Variants in BNC2 observed in about 807,000 individuals in gnomAD.
BNC2 encodes the protein basonuclin zinc finger protein 2.
Under a neutral mutation model 76.3 loss-of-function variants are expected in BNC2, and 20 were observed. The observed-to-expected ratio is 0.26, with a 90% confidence interval of 0.18 to 0.38. BNC2 has a LOEUF of 0.38. BNC2 is among the 10% of genes least tolerant of loss of function. The probability of loss-of-function intolerance (pLI) is 1.00; values close to 1 mark genes in which losing one functional copy is unlikely to be tolerated. For synonymous variants in BNC2, 582 were observed against 514.8 expected (o/e 1.13, Z -1.77); for missense variants, 1,382 against 1,399.8 (o/e 0.99, Z 0.20).
intron 3 of BNC2, among the ~76,000 whole-genome samples, chr9:16,681,808 C>A (rs776560742): frequency 2.0e-5 from 3 of 152,138 alleles, no homozygotes; most frequent in Non-Finnish European, 4.4e-5. Flanking sequence ...GCATAGACCG[C>A]CTGGTACTTT....
intron 5 of BNC2, among the ~76,000 whole-genome samples, chr9:16,455,053 A>C (rs1425330554): frequency 2.0e-5 from 3 of 152,244 alleles, no homozygotes; most frequent in Non-Finnish European, 4.4e-5. Flanking sequence ...CTAGAGACTA[A>C]GTATGAGAAA....
intron 1 of BNC2, among the ~76,000 whole-genome samples, chr9:16,764,313 G>A (rs1427409869): frequency 2.6e-5 from 4 of 152,108 alleles, no homozygotes; most frequent in Non-Finnish European, 5.9e-5. Flanking sequence ...CAGAGTCTAT[G>A]CACGGCATAC....
intron 3 of BNC2, among the ~76,000 whole-genome samples, chr9:16,607,971 A>G (rs1820430351): frequency 6.6e-6 from 1 of 152,182 alleles, no homozygotes; most frequent in African/African-American, 2.4e-5. Context: ...AGTTCCAGGT[A>G]TCCAAAAACC....
In BNC2 at chr9:16,436,950, G is replaced by T; in HGVS notation, c.1244C>A (p.Thr415Asn). 6.2e-7 allele frequency: 1 copy of T among 1,614,076 alleles called. No individual in the cohort carries two copies. Among genetic ancestry groups the T allele is most frequent in the Non-Finnish European group, 8.5e-7 (1 of 1,180,024 alleles). ...IQNSAPVSDL[T>N]KTEHPKSSFR... is the part of the protein sequence containing the mutation. Reference sequence around the variant, plus strand: ...TGAGCTTTTTGGGTGTTCAGTTTTGGTTAGATCACTGACTGGGGCAGAATT... The same window carrying T: ...TGAGCTTTTTGGGTGTTCAGTTTTGTTTAGATCACTGACTGGGGCAGAATT... The change falls in exon 6 of 7, where the codon ACC (threonine) becomes AAC (asparagine). Residue 415 changes from threonine (T) to asparagine (N), a missense_variant. By Grantham distance (65) the Thr-to-Asn change is moderately conservative. Transcript: ENST00000380672.
At chr9:16,603,523 A>G (rs1306295203) in intron 3 of BNC2, among the ~76,000 whole-genome samples, 1 of 152,194 alleles carries the variant, frequency 6.6e-6, no homozygotes, top group East Asian at 1.9e-4. Flanking sequence ...ATTGAAGAAA[A>G]TAATTTTGAG....
intron 3 of BNC2, among the ~76,000 whole-genome samples, chr9:16,614,649 T>C (rs1001311760): frequency 5.0e-4 from 20 of 39,732 alleles, no homozygotes; most frequent in Non-Finnish European, 1.8e-3. Context: ...GCTACATGCA[T>C]GAAGTTAAAA....
intron 1 of BNC2, among the ~76,000 whole-genome samples, chr9:16,842,710 T>A (rs1818864539): frequency 6.9e-6 from 1 of 145,444 alleles, no homozygotes; most frequent in Non-Finnish European, 1.5e-5. Flanking sequence ...ATTCATTGTA[T>A]TTTTTTTTTC....
intron 3 of BNC2, among the ~76,000 whole-genome samples, chr9:16,723,434 G>A (rs777603076): frequency 1.5e-4 from 22 of 151,520 alleles, no homozygotes; most frequent in Admixed American, 2.6e-4. Context: ...ACAACTAGGC[G>A]TCTGACTTGT....
At chr9:16,686,320 T>G (rs1188491071) in intron 3 of BNC2, among the ~76,000 whole-genome samples, 1 of 152,174 alleles carries the variant, frequency 6.6e-6, no homozygotes, top group Non-Finnish European at 1.5e-5. Context: ...GATCCCTTTT[T>G]AAAACTAAGC....
intron 3 of BNC2, among the ~76,000 whole-genome samples, chr9:16,593,579 C>T (rs1368740295): frequency 6.6e-6 from 1 of 151,766 alleles, no homozygotes; most frequent in African/African-American, 2.4e-5. Flanking sequence ...ATAATACATG[C>T]GATTTTGTTA....
chr9:16,510,143 G>A (rs933299361), intron 5 of BNC2, among the ~76,000 whole-genome samples: 1 of 152,172 alleles, frequency 6.6e-6, no homozygotes, highest in South Asian at 2.1e-4. Context: ...TCAAGGAAGC[G>A]CTAGCCACAC....
intron 5 of BNC2, among the ~76,000 whole-genome samples, chr9:16,495,584 G>T (rs1822371342): frequency 6.6e-6 from 1 of 152,262 alleles, no homozygotes; most frequent in Non-Finnish European, 1.5e-5. Flanking sequence ...AAAGTGGCAA[G>T]TGGTGCTGAA....
At chr9:16,490,116 G>A (rs1490662908) in intron 5 of BNC2, among the ~76,000 whole-genome samples, 3 of 152,146 alleles carry the variant, frequency 2.0e-5, no homozygotes, top group Non-Finnish European at 4.4e-5. Context: ...CATTGTTAGA[G>A]TGAAAGCTCA....
At chr9:16,712,152 C>G (rs10283606) in intron 3 of BNC2, among the ~76,000 whole-genome samples, 1 of 152,144 alleles carries the variant, frequency 6.6e-6, no homozygotes, top group African/African-American at 2.4e-5. Context: ...AGTTTACACA[C>G]GCAAAACACA....
intron 3 of BNC2, among the ~76,000 whole-genome samples, chr9:16,639,604 A>C (rs1210104823): frequency 1.3e-5 from 2 of 151,976 alleles, no homozygotes; most frequent in Admixed American, 6.6e-5. Flanking sequence ...ACAACAACAC[A>C]TGTGAAAACA....
At position 16,531,422 on chromosome 9, in the gene BNC2, CGA is replaced by C. The variant is rs199615230; in HGVS notation, c.669+21106_669+21107del. On this transcript the variant is annotated intron_variant, in intron 5 of 6. Coordinates refer to ENST00000380672, the MANE Select transcript of BNC2 (RefSeq NM_017637.6). ...AGAAAAAAAAAAACAAAAAACCAAGCGAGAGAGGGAGAAGTTTTTCTTTCATT... is the reference window on the plus strand; with the variant it reads ...AGAAAAAAAAAAACAAAAAACCAAGCGAGAGGGAGAAGTTTTTCTTTCATT... Among the ~76,000 whole-genome samples, 1,126 of 150,988 alleles carry C rather than the reference CGA, an allele frequency of 7.5e-3. 18 individuals carry two copies. The highest frequency in any genetic ancestry group is 0.04 in the South Asian group (190 of 4,766).
chr9:16,500,788 G>A (rs1272468497), intron 5 of BNC2, among the ~76,000 whole-genome samples: 3 of 152,196 alleles, frequency 2.0e-5, no homozygotes, highest in African/African-American at 7.2e-5. Context: ...TCTGTTTTAA[G>A]AGTACACTAC....
At chr9:16,711,278 G>C (rs897464294) in intron 3 of BNC2, among the ~76,000 whole-genome samples, 3 of 152,184 alleles carry the variant, frequency 2.0e-5, no homozygotes, top group South Asian at 2.1e-4. Context: ...GTGGGGAAGG[G>C]GGGGCGGTTG....
chr9:16,580,732 G>A (rs1262433561), intron 4 of BNC2, among the ~76,000 whole-genome samples: 2 of 152,176 alleles, frequency 1.3e-5, no homozygotes, highest in Non-Finnish European at 2.9e-5. Context: ...GCAAAAATGA[G>A]AGCGAATAAA....
Sources: allele counts gnomAD v4.1 joint callset (sites outside exome capture counted in the v4.1 genomes callset), GRCh38; gene constraint gnomAD v4.1.1; transcripts MANE v1.5; gene names NCBI Gene and HGNC (gene_info 2026-07-23, HGNC 2026-07-21).